The following FNDC3A variants were observed in gnomAD, a reference collection of about 807,000 sequenced individuals.
The protein encoded by FNDC3A is fibronectin type-III domain-containing protein 3A.
In FNDC3A, 32 loss-of-function variants were observed where a neutral mutation model predicts 148.9. That is an observed-to-expected ratio of 0.21 (90% confidence interval 0.16 to 0.29). FNDC3A has a LOEUF of 0.29. Among genes scored for constraint, FNDC3A ranks in the 10% least tolerant of loss-of-function variants. FNDC3A has a pLI of 1.00. For synonymous variants in FNDC3A, 472 were observed against 473.6 expected, an observed-to-expected ratio of 1.00 and a Z score of 0.04; for missense variants, 1,191 against 1,452.8, an observed-to-expected ratio of 0.82 and a Z score of 2.93.
chr13:49,186,806 T>G (rs1221495726), intron 15 of FNDC3A, among the ~76,000 whole-genome samples: 1 of 152,196 alleles, frequency 6.6e-6, no homozygotes, highest in Non-Finnish European at 1.5e-5. Context: ...AGGCAGAGGT[T>G]GCAGTGAGTC....
intron 15 of FNDC3A, 63 bp from the exon 16 acceptor site, chr13:49,187,059 T>G (rs910232411): frequency 2.1e-5 from 27 of 1,277,348 alleles, no homozygotes; most frequent in Non-Finnish European, 2.8e-5. Flanking sequence ...GTTTATTAGG[T>G]TTTTTTTATC....
intron 8 of FNDC3A, among the ~76,000 whole-genome samples, chr13:49,155,115 C>T (rs1883574298): frequency 6.8e-6 from 1 of 146,832 alleles, no homozygotes; most frequent in Non-Finnish European, 1.5e-5. Context: ...CCTTGTACCT[C>T]TGATAGAATT....
chr13:49,120,779 C>T (rs1881286711), intron 4 of FNDC3A, among the ~76,000 whole-genome samples: 1 of 152,034 alleles, frequency 6.6e-6, no homozygotes, highest in East Asian at 1.9e-4. Context: ...GGGATCAGTG[C>T]AACCAGAAGA....
chr13:49,159,946 C>G (rs1045450581), intron 8 of FNDC3A, among the ~76,000 whole-genome samples: 28 of 152,202 alleles, frequency 1.8e-4, no homozygotes, highest in Non-Finnish European at 3.5e-4. Context: ...GTTGAACAAG[C>G]CTTGCATCCC....
intron 19 of FNDC3A, among the ~76,000 whole-genome samples, chr13:49,193,635 A>G (rs1475812534): frequency 6.6e-6 from 1 of 152,178 alleles, no homozygotes; most frequent in East Asian, 1.9e-4. Context: ...TAAATGACAT[A>G]TTGGCCAGGC....
chr13:48,990,403 TA>T (rs1425279571), intron 1 of FNDC3A, among the ~76,000 whole-genome samples: 1 of 151,424 alleles, frequency 6.6e-6, no homozygotes, highest in Non-Finnish European at 1.5e-5. Context: ...ATATAGGATT[TA>T]AAAAAAATTA....
At chr13:49,126,472 G>A (rs529405612) in intron 4 of FNDC3A, among the ~76,000 whole-genome samples, 1 of 152,062 alleles carries the variant, frequency 6.6e-6, no homozygotes, top group African/African-American at 2.4e-5. Flanking sequence ...TCTCCCCTAA[G>A]CTTATCTTTG....
At chr13:49,137,821 T>G (rs1206649824) in intron 6 of FNDC3A, among the ~76,000 whole-genome samples, 3 of 152,226 alleles carry the variant, frequency 2.0e-5, no homozygotes, top group Non-Finnish European at 4.4e-5. Flanking sequence ...ATATGTATGT[T>G]CTTTTAGGTT....
At position 49,196,977 on chromosome 13, in the gene FNDC3A, A is replaced by C; in HGVS notation, c.2327A>C (p.Gln776Pro). 1 of 1,603,766 alleles carries C rather than the reference A, an allele frequency of 6.2e-7. No homozygotes were observed. Among genetic ancestry groups the C allele is most frequent in the Non-Finnish European group, 8.5e-7 (1 of 1,172,208 alleles). Residue 776 changes from glutamine to proline, a missense_variant, in exon 20 of 26, where the codon CAA becomes CCA. By Grantham distance (76) the Gln-to-Pro change is moderately conservative (BLOSUM62 -1). Transcript: ENST00000492622. ...QVTCRSATCA[Q>P]VNWEVPLSNG... ...ACATGTAGATCTGCAACTTGTGCAC[A>C]AGTGAATTGGGAGGTATTGTAATTT... is the stretch of plus-strand genomic sequence containing the variant.
rs1884067043 is a variant in FNDC3A, at chr13:49,160,959, ATT to A, written c.978-6283_978-6282del. On this transcript the variant is annotated intron_variant, in intron 8 of 25. Coordinates refer to ENST00000492622, the MANE Select transcript of FNDC3A (RefSeq NM_001079673.2). ...GTGAGTTTCTTAATCCTGAATTCTA[ATT>A]TGATTGCACTGTGGTCTGAGAGACA... Among the ~76,000 whole-genome samples, 4 of 152,254 alleles carry A rather than the reference ATT, an allele frequency of 2.6e-5. No individual in the cohort carries two copies. The South Asian group carries it at 8.3e-4, about 32-fold the overall frequency.
chr13:49,018,652 C>T (rs1447092206), intron 2 of FNDC3A, among the ~76,000 whole-genome samples: 7 of 152,400 alleles, frequency 4.6e-5, no homozygotes, highest in Middle Eastern at 3.4e-3. Context: ...TGAGGAACTG[C>T]ATTCCTTTGG....
intron 4 of FNDC3A, among the ~76,000 whole-genome samples, chr13:49,115,704 G>A (rs1880907474): frequency 3.9e-5 from 6 of 152,282 alleles, no homozygotes; most frequent in South Asian, 4.1e-4. Context: ...ATGAGATCAC[G>A]TACTGAAATT....
At chr13:49,005,052 T>G (rs1368812431) in intron 1 of FNDC3A, among the ~76,000 whole-genome samples, 3 of 151,760 alleles carry the variant, frequency 2.0e-5, no homozygotes, top group African/African-American at 7.3e-5. Context: ...TTTCATGAGA[T>G]AATTAAATAA....
chr13:48,998,220 T>C (rs1295890489), intron 1 of FNDC3A, among the ~76,000 whole-genome samples: 1 of 152,200 alleles, frequency 6.6e-6, no homozygotes, highest in Non-Finnish European at 1.5e-5. Flanking sequence ...ATTGGGTGTT[T>C]AGGTAAAGAG....
chr13:49,007,252 A>G (rs1952238841), intron 2 of FNDC3A, among the ~76,000 whole-genome samples: 1 of 152,112 alleles, frequency 6.6e-6, no homozygotes, highest in Non-Finnish European at 1.5e-5. Context: ...TACTATTGAA[A>G]AATTAGTAGC....
At chr13:49,015,078 G>A (rs1952464332) in intron 2 of FNDC3A, among the ~76,000 whole-genome samples, 1 of 152,186 alleles carries the variant, frequency 6.6e-6, no homozygotes, top group Non-Finnish European at 1.5e-5. Context: ...ACTTGGCGAT[G>A]CGGTCTCTTT....
chr13:49,134,323 T>C (rs754970218), intron 5 of FNDC3A, among the ~76,000 whole-genome samples: 2 of 152,208 alleles, frequency 1.3e-5, no homozygotes, highest in Non-Finnish European at 2.9e-5. Flanking sequence ...GTGTCTAGTT[T>C]TTTTTCACTT....
At chr13:49,085,805 G>A (rs1318412858) in intron 3 of FNDC3A, among the ~76,000 whole-genome samples, 1 of 151,840 alleles carries the variant, frequency 6.6e-6, no homozygotes, top group East Asian at 1.9e-4. Flanking sequence ...GTTTAGCTTA[G>A]CATGAAGAAG....
chr13:49,207,497 A>G lies in FNDC3A; in HGVS notation c.*102A>G, dbSNP rs938667583. The G allele has an allele frequency of 2.7e-6, 2 of 751,894 alleles. No individual in the cohort carries two copies. The highest frequency in any genetic ancestry group is 5.4e-5 in the East Asian group (2 of 37,144). 46.6% of individuals were successfully genotyped at this position (751,894 alleles called of 1,614,324 possible). ...AAAAACAGTGGCATTTAGCACTGGC[A>G]TTGAGACTATAGCACATCATTTTTG... On this transcript the variant is annotated 3_prime_UTR_variant, in exon 26 of 26. Transcript: ENST00000492622.
Sources: allele counts gnomAD v4.1 joint callset (sites outside exome capture counted in the v4.1 genomes callset), GRCh38; gene constraint gnomAD v4.1.1; transcripts MANE v1.5; gene names NCBI Gene and HGNC (gene_info 2026-07-23, HGNC 2026-07-21).